The following DNAH11 variants were observed in gnomAD, a reference collection of about 807,000 sequenced individuals.
DNAH11 encodes the protein dynein axonemal heavy chain 11, also known as axonemal beta dynein heavy chain 11.
Under a neutral mutation model 526.0 loss-of-function variants are expected in DNAH11, and 442 were observed. The observed-to-expected ratio is 0.84, with a 90% CI of 0.78 to 0.91. The LOEUF (loss-of-function observed/expected upper bound fraction) is 0.91, where lower values mean the gene tolerates loss of function less well. Ranked by LOEUF, DNAH11 falls within the 40% of genes least tolerant of loss-of-function variation. The pLI is 0.00. For synonymous variants in DNAH11, 2,461 were observed against 1,935.9 expected (o/e 1.27, Z -7.12); for missense variants, 6,989 against 5,448.7 (o/e 1.28, Z -8.90).
intron 63 of DNAH11, among the ~76,000 whole-genome samples, chr7:21,812,254 G>A (rs1287166573): frequency 6.6e-6 from 1 of 152,204 alleles, no homozygotes; most frequent in Non-Finnish European, 1.5e-5. Context: ...TATATCTGGA[G>A]TCCATGGGTC....
At chr7:21,620,391 C>T (rs1286634066) in intron 25 of DNAH11, among the ~76,000 whole-genome samples, 1 of 151,970 alleles carries the variant, frequency 6.6e-6, no homozygotes, top group East Asian at 1.9e-4. Flanking sequence ...TTGCCCCCTC[C>T]CCCCGGCTCT....
chr7:21,851,170 G>A (rs1782618129), intron 66 of DNAH11: 2 of 162,254 alleles, frequency 1.2e-5, no homozygotes, highest in Non-Finnish European at 2.7e-5. Flanking sequence ...CTGAATCACG[G>A]GATTGGTTTC....
chr7:21,893,430 C>T (rs1337460644), intron 77 of DNAH11, among the ~76,000 whole-genome samples: 1 of 152,128 alleles, frequency 6.6e-6, no homozygotes, highest in African/African-American at 2.4e-5. Flanking sequence ...TGCTTATGGC[C>T]GTTTGGATAT....
chr7:21,861,987 G>C lies in DNAH11; in HGVS notation c.11337G>C (p.Lys3779Asn). 6.2e-7 allele frequency: 1 copy of C among 1,613,344 alleles called. No homozygotes were observed. The highest frequency in any genetic ancestry group is 8.5e-7 in the Non-Finnish European group (1 of 1,179,640). ...ACACCAGCCAGGCGCTGTTTGAGAA[G>C]GACAAGCTCACCTTCCTGTCCCAGA... ...FLYTSQALFE[K>N]DKLTFLSQMA... Residue 3779 changes from lysine to asparagine, a missense_variant, in exon 69 of 82, where the codon AAG (lysine) becomes AAC (asparagine). Physicochemically the swap from Lys to Asn is moderately conservative, Grantham distance 94. Transcript: ENST00000409508.
intron 66 of DNAH11, among the ~76,000 whole-genome samples, chr7:21,847,820 T>G (rs898082033): frequency 6.6e-6 from 1 of 152,176 alleles, no homozygotes; most frequent in African/African-American, 2.4e-5. Flanking sequence ...GTTCTTAGTT[T>G]TTGCCTTCTG....
Position 21,644,829 on chromosome 7 carries a change from G to A in DNAH11, c.4944+5764G>A, listed in dbSNP as rs116122475. On this transcript the variant is annotated intron_variant, in intron 28 of 81. Transcript: ENST00000409508. The stretch of plus-strand genomic sequence containing the variant: ...TAAAGGCAGCCTGATTCACCTAGAG[G>A]TTCAGGTATTTAGGTGTATGACAAG... 8.2e-3 allele frequency among the ~76,000 whole-genome samples: 1,248 copies of A among 152,234 alleles called. 10 individuals are homozygous for A. The highest frequency in any genetic ancestry group is 0.028 in the African/African-American group (1,150 of 41,536).
intron 63 of DNAH11, among the ~76,000 whole-genome samples, chr7:21,812,204 G>C (rs1180017274): frequency 6.6e-6 from 1 of 152,202 alleles, no homozygotes; most frequent in Non-Finnish European, 1.5e-5. Context: ...AAGACCAATA[G>C]CTATATCATT....
chr7:21,900,283 G>A (rs575062253), intron 81 of DNAH11, among the ~76,000 whole-genome samples, 163 bp downstream of exon 81: 1 of 139,254 alleles, frequency 7.2e-6, no homozygotes, highest in Non-Finnish European at 1.6e-5. Context: ...GCTGGGATGT[G>A]TGTCCACTGT....
At chr7:21,874,223 C>CT (rs11387866) in intron 74 of DNAH11, among the ~76,000 whole-genome samples, 57,049 of 151,858 alleles carry the variant, frequency 0.38, 10,864 homozygotes, top group Non-Finnish European at 0.4. Flanking sequence ...TGTTTTAGCC[C>CT]GGTTTGATAT....
At chr7:21,729,792 G>C (rs2128487113) in intron 45 of DNAH11, among the ~76,000 whole-genome samples, 1 of 152,234 alleles carries the variant, frequency 6.6e-6, no homozygotes, top group East Asian at 1.9e-4. Flanking sequence ...ATGCAATCTA[G>C]GCATTTTCTT....
At chr7:21,870,859 C>T (rs1783469145) in intron 73 of DNAH11, among the ~76,000 whole-genome samples, 1 of 152,240 alleles carries the variant, frequency 6.6e-6, no homozygotes, top group Admixed American at 6.5e-5. Flanking sequence ...CTCCCCACCC[C>T]TGTACCCACA....
chr7:21,891,664 C>G (rs1052020620), intron 76 of DNAH11, among the ~76,000 whole-genome samples: 1 of 152,106 alleles, frequency 6.6e-6, no homozygotes, highest in Non-Finnish European at 1.5e-5. Context: ...CTTGCCCCAG[C>G]CTTATTGAAG....
chr7:21,754,576 C>T (rs561220477), intron 54 of DNAH11, among the ~76,000 whole-genome samples: 1 of 151,930 alleles, frequency 6.6e-6, no homozygotes, highest in Non-Finnish European at 1.5e-5. Flanking sequence ...CCCCCCCACC[C>T]CATCATCACA....
intron 32 of DNAH11, among the ~76,000 whole-genome samples, chr7:21,686,127 G>A (rs1783366015): frequency 6.6e-6 from 1 of 152,164 alleles, no homozygotes; most frequent in African/African-American, 2.4e-5. Flanking sequence ...AACACTGTCT[G>A]TTTTCATAAT....
rs1248812981 is a variant in DNAH11, at chr7:21,868,884, A to G, written c.11860A>G (p.Ile3954Val). ...CACAGGCAAAAGACTTGGCTTTACA[A>G]TTGACTCTGGAAAATTCCACAATGT... is the stretch of plus-strand genomic sequence containing the variant. The part of the protein sequence containing the change: ...EILGKRLGFT[I>V]DSGKFHNVSL... Residue 3954 changes from isoleucine (I) to valine (V), a missense_variant, in exon 73 of 82, where the codon ATT becomes GTT. Transcript: ENST00000409508. The G allele has an allele frequency of 2.5e-6, 4 of 1,614,012 alleles. No individual in the cohort carries two copies. Among genetic ancestry groups the G allele is most frequent in the Non-Finnish European group, 3.4e-6 (4 of 1,179,874 alleles).
At chr7:21,789,189 A>C (rs1165925005) in intron 60 of DNAH11, 52 bp from the exon 61 acceptor site, 7 of 1,296,778 alleles carry the variant, frequency 5.4e-6, no homozygotes, top group Middle Eastern at 1.8e-4. Context: ...CCTATCTGGG[A>C]TTGAATGATT....
At chr7:21,629,209 C>T (rs766429807) in intron 25 of DNAH11, among the ~76,000 whole-genome samples, 4 of 152,036 alleles carry the variant, frequency 2.6e-5, no homozygotes, top group Admixed American at 6.6e-5. Flanking sequence ...GTGTTTGTGA[C>T]ATTTCTAAGG....
intron 68 of DNAH11, among the ~76,000 whole-genome samples, chr7:21,856,037 G>A (rs1251597578): frequency 6.6e-6 from 1 of 152,152 alleles, no homozygotes; most frequent in African/African-American, 2.4e-5. Context: ...AGGAATGTGT[G>A]AGATGAAAGA....
intron 65 of DNAH11, among the ~76,000 whole-genome samples, chr7:21,837,210 C>T (rs563070723): frequency 5.3e-5 from 8 of 151,944 alleles, no homozygotes; most frequent in Non-Finnish European, 8.8e-5. Context: ...TAAGAACTAC[C>T]GTATGATCCA....
Sources: gnomAD v4.1 joint callset for allele counts (sites outside exome capture counted in the v4.1 genomes callset) on GRCh38, gnomAD v4.1.1 for gene constraint, MANE v1.5 for transcripts, NCBI Gene and HGNC (gene_info 2026-07-23, HGNC 2026-07-21) for gene names.